Variants in ZNF385D observed in about 807,000 individuals in gnomAD.
ZNF385D encodes zinc finger protein 385D.
A neutral mutation model predicts 35.8 loss-of-function variants in ZNF385D; 15 were observed. That is an observed-to-expected ratio of 0.42 (90% CI 0.28 to 0.64). The LOEUF is 0.64. ZNF385D is among the 30% of genes least tolerant of loss of function. ZNF385D has a pLI of 0.23. For synonymous variants in ZNF385D, 212 were observed against 186.8 expected (o/e 1.13, Z -1.10); for missense variants, 474 against 494.6 (o/e 0.96, Z 0.39).
intron 3 of ZNF385D, among the ~76,000 whole-genome samples, chr3:21,885,740 CTGTGTGTG>C (rs3074769): frequency 7.9e-5 from 8 of 101,262 alleles, no homozygotes; most frequent in East Asian, 3.2e-4. Context: ...GTGTCTGTGT[CTGTGTGTG>C]TGTGTGTGTG....
At position 22,296,663 on chromosome 3, in the gene ZNF385D, G is replaced by C. The variant is rs370024788; in HGVS notation, c.106+75787C>G. Among the ~76,000 whole-genome samples the C allele has an allele frequency of 3.9e-5, 6 of 152,124 alleles. No homozygotes were observed. In the East Asian group the frequency reaches 5.8e-4, roughly 15 times the overall value. Reference sequence around the variant, plus strand: ...GACCTTCAGCTAGTGGTTTTCACTTGACTGCACTCCTTGCTGAATGCTGAA... The same window carrying C: ...GACCTTCAGCTAGTGGTTTTCACTTCACTGCACTCCTTGCTGAATGCTGAA... On this transcript the variant is annotated intron_variant, in intron 2 of 5. Coordinates refer to the ZNF385D transcript ENST00000494108.
At chr3:21,458,682 A>C (rs1384695221) in intron 4 of ZNF385D, among the ~76,000 whole-genome samples, 1 of 152,120 alleles carries the variant, frequency 6.6e-6, no homozygotes, top group Non-Finnish European at 1.5e-5. Context: ...TGCTAAATAA[A>C]AGAAATCGGC....
At chr3:21,988,814 C>T (rs1467185519) in intron 3 of ZNF385D, among the ~76,000 whole-genome samples, 3 of 152,140 alleles carry the variant, frequency 2.0e-5, no homozygotes, top group Non-Finnish European at 2.9e-5. Flanking sequence ...TGCTAGCAAT[C>T]AGCGAGACTC....
At chr3:21,756,974 A>T (rs2070366521) in intron 3 of ZNF385D, among the ~76,000 whole-genome samples, 2 of 152,214 alleles carry the variant, frequency 1.3e-5, no homozygotes, top group Admixed American at 1.3e-4. Flanking sequence ...GTTTCCATAC[A>T]AATTAAATGC....
chr3:21,613,455 G>T (rs2064750077), intron 2 of ZNF385D, among the ~76,000 whole-genome samples: 1 of 151,894 alleles, frequency 6.6e-6, no homozygotes, highest in Non-Finnish European at 1.5e-5. Flanking sequence ...TCCTCCCTGG[G>T]TTTTTAGAAG....
chr3:22,149,546 A>T (rs1240248524), intron 3 of ZNF385D, among the ~76,000 whole-genome samples: 2 of 152,178 alleles, frequency 1.3e-5, no homozygotes, highest in East Asian at 3.9e-4. Context: ...AGGCCCCAAT[A>T]ATTGAATTTC....
At chr3:21,693,053 T>C (rs912491413) in intron 1 of ZNF385D, among the ~76,000 whole-genome samples, 15 of 152,190 alleles carry the variant, frequency 9.9e-5, no homozygotes, top group African/African-American at 3.6e-4. Context: ...GCAACTAGCA[T>C]CACACAGACA....
intron 2 of ZNF385D, among the ~76,000 whole-genome samples, chr3:22,225,295 C>A (rs1698488260): frequency 6.6e-6 from 1 of 152,146 alleles, no homozygotes; most frequent in African/African-American, 2.4e-5. Flanking sequence ...TGCTACTTCA[C>A]TGAGCACTAG....
At chr3:21,841,890 C>T (rs2125788488) in intron 3 of ZNF385D, among the ~76,000 whole-genome samples, 1 of 151,450 alleles carries the variant, frequency 6.6e-6, no homozygotes, top group South Asian at 2.1e-4. Flanking sequence ...TCTAACAAGT[C>T]ACGCCTCAGA....
At chr3:21,718,283 T>C (rs2068403817) in intron 1 of ZNF385D, among the ~76,000 whole-genome samples, 1 of 152,192 alleles carries the variant, frequency 6.6e-6, no homozygotes. Flanking sequence ...CAGACTCCAC[T>C]CTGCAATTTG....
intron 2 of ZNF385D, among the ~76,000 whole-genome samples, chr3:22,296,455 A>T (rs958970685): frequency 4.6e-5 from 7 of 152,144 alleles, no homozygotes; most frequent in Non-Finnish European, 7.4e-5. Context: ...CAGTTCTTCA[A>T]GGAAGGGTAT....
chr3:21,564,966 C>T (rs748429520), intron 2 of ZNF385D, among the ~76,000 whole-genome samples: 1 of 152,060 alleles, frequency 6.6e-6, no homozygotes, highest in Non-Finnish European at 1.5e-5. Context: ...GTTTAATAAC[C>T]CTTAAATATA....
chr3:22,067,034 G>A (rs898665950), intron 3 of ZNF385D, among the ~76,000 whole-genome samples: 8 of 152,224 alleles, frequency 5.3e-5, no homozygotes, highest in South Asian at 4.2e-4. Flanking sequence ...ATAAAGAAGC[G>A]ATCTTCTCTC....
chr3:22,239,954 A>C (rs1026097735), intron 2 of ZNF385D, among the ~76,000 whole-genome samples: 3 of 150,168 alleles, frequency 2.0e-5, no homozygotes, highest in Non-Finnish European at 4.4e-5. Flanking sequence ...AGACAGGTGG[A>C]TCACTCGAGT....
chr3:21,468,401 C>CAAAAAA (rs1175784477), intron 4 of ZNF385D, among the ~76,000 whole-genome samples: 3 of 72,632 alleles, frequency 4.1e-5, no homozygotes, highest in African/African-American at 5.9e-5. Context: ...GACACTGTCT[C>CAAAAAA]AAAAAAAAAA....
intron 3 of ZNF385D, among the ~76,000 whole-genome samples, chr3:21,527,061 T>C (rs888539428): frequency 1.3e-5 from 2 of 152,168 alleles, no homozygotes; most frequent in African/African-American, 4.8e-5. Context: ...GTAGAAAATC[T>C]TAAAAGTACA....
intron 3 of ZNF385D, among the ~76,000 whole-genome samples, chr3:21,904,883 C>G (rs531174139): frequency 3.9e-5 from 6 of 152,176 alleles, no homozygotes; most frequent in Middle Eastern, 3.4e-3. Flanking sequence ...CTCTCAAATA[C>G]TGGTTTCTTC....
intron 3 of ZNF385D, among the ~76,000 whole-genome samples, chr3:21,891,095 G>T (rs1183929469): frequency 6.6e-6 from 1 of 152,098 alleles, no homozygotes; most frequent in Admixed American, 6.6e-5. Flanking sequence ...TTCATCATTT[G>T]CAAAATGGTT....
intron 2 of ZNF385D, among the ~76,000 whole-genome samples, chr3:21,595,548 A>C (rs1377337567): frequency 6.6e-6 from 1 of 151,428 alleles, no homozygotes; most frequent in East Asian, 1.9e-4. Flanking sequence ...ATAGTAGGAA[A>C]ACAGTATACC....
Sources: allele counts gnomAD v4.1 joint callset (sites outside exome capture counted in the v4.1 genomes callset), GRCh38; gene constraint gnomAD v4.1.1; transcripts MANE v1.5; gene names NCBI Gene and HGNC (gene_info 2026-07-23, HGNC 2026-07-21).